Variants in ZNF577 observed in about 807,000 individuals in gnomAD.
ZNF577 encodes the protein zinc finger protein 577.
A neutral mutation model predicts 13.9 loss-of-function variants in ZNF577; 14 were observed. The observed-to-expected ratio is 1.00, with a 90% CI of 0.66 to 1.57. The LOEUF (loss-of-function observed/expected upper bound fraction) is 1.57. Among genes scored for constraint, ZNF577 ranks in the 40% most tolerant of loss-of-function variants. The probability of loss-of-function intolerance (pLI) is 0.00; values close to 1 mark genes in which losing one functional copy is unlikely to be tolerated. For synonymous variants in ZNF577, 203 were observed against 202.9 expected, an observed-to-expected ratio of 1.00 and a Z score of 0.00; for missense variants, 555 against 579.2, an observed-to-expected ratio of 0.96 and a Z score of 0.43.
exon 11 of ZNF577, chr19:51,804,902 G>A (rs909758445): frequency 2.6e-5 from 4 of 152,376 alleles, no homozygotes; most frequent in East Asian, 1.9e-4. Flanking sequence ...AGAGAAAAGC[G>A]ATAGTGAGAA....
At chr19:51,828,194 G>A (rs550838386) in intron 9 of ZNF577, among the ~76,000 whole-genome samples, 67 of 152,014 alleles carry the variant, frequency 4.4e-4, no homozygotes, top group African/African-American at 1.4e-3. Flanking sequence ...ATGTTGAAAC[G>A]CTGTCTGTAC....
rs2084681446 is a variant in ZNF577 at position 51,872,787 on chromosome 19, GCT to G, written c.1201_1202del (p.Ser401ArgfsTer29). 1.2e-6 allele frequency: 2 copies of G among 1,613,924 alleles called. No homozygotes were observed. Among genetic ancestry groups the G allele is most frequent in the African/African-American group, 2.7e-5 (2 of 74,840 alleles). On this transcript the variant is annotated frameshift_variant, in exon 6 of 6. Coordinates refer to ENST00000638348, the MANE Select transcript of ZNF577 (RefSeq NM_001370449.1). LOFTEE classifies it low-confidence loss of function (END_TRUNC). ...SSRSHTSLYM[S>X]ELIQEQKTVN... ...CAGTCTTTTGCTCTTGTATGAGTTCGCTCATGTATAAGGAGGTATGACTCCTT... is the reference window on the plus strand; with the variant it reads ...CAGTCTTTTGCTCTTGTATGAGTTCGCATGTATAAGGAGGTATGACTCCTT...
At chr19:51,866,910 G>A (rs2084571089), downstream of ZNF577, among the ~76,000 whole-genome samples, 1 of 152,132 alleles carries the variant, frequency 6.6e-6, no homozygotes, top group African/African-American at 2.4e-5. Context: ...GAACCCAAGA[G>A]GCAGAGGTTG....
At chr19:51,809,165 T>C (rs1179818762) in intron 10 of ZNF577, among the ~76,000 whole-genome samples, 2 of 152,254 alleles carry the variant, frequency 1.3e-5, no homozygotes, top group Non-Finnish European at 2.9e-5. Context: ...TCATATTCCA[T>C]GTTATAAGTA....
intron 9 of ZNF577, chr19:51,823,608 G>A (rs2084206668): frequency 2.8e-6 from 2 of 709,788 alleles, no homozygotes; most frequent in Admixed American, 6.0e-5. Flanking sequence ...CCAATTTTAT[G>A]TTATAACCAT....
At chr19:51,819,953 G>A (rs1234483692) in intron 9 of ZNF577, among the ~76,000 whole-genome samples, 1 of 152,198 alleles carries the variant, frequency 6.6e-6, no homozygotes, top group Non-Finnish European at 1.5e-5. Flanking sequence ...GAGACAGTGG[G>A]ATGGAAAGCA....
Position 51,873,354 on chromosome 19 carries a change from C to A in ZNF577, c.636G>T (p.Lys212Asn). Reference protein sequence around the residue: ...TEHQRTHTGEKPHECSECGKA... With the variant: ...TEHQRTHTGENPHECSECGKA... ...TTCCACATTCACTACATTCATGGGG[C>A]TTCTCTCCTGTGTGAGTTCTCTGAT... The change falls in exon 6 of 6, where the codon AAG (lysine) becomes AAT (asparagine). Residue 212 changes from lysine (K) to asparagine (N), a missense_variant. Coordinates refer to ENST00000638348, the MANE Select transcript of ZNF577 (RefSeq NM_001370449.1). 6.2e-7 allele frequency: 1 copy of A among 1,614,142 alleles called. No individual in the cohort carries two copies.
chr19:51,858,775 T>TA (rs34599080), intron 5 of ZNF577, among the ~76,000 whole-genome samples: 1,711 of 151,982 alleles, frequency 0.011, 30 homozygotes, highest in African/African-American at 0.039. Context: ...CTCATTTTGT[T>TA]AAAAAAAAGT....
intron 8 of ZNF577, chr19:51,840,545 G>A (rs553611183): frequency 6.6e-6 from 1 of 152,154 alleles, no homozygotes; most frequent in African/African-American, 2.4e-5. Context: ...AGACCTTGAG[G>A]GGTAAGAACT....
Position 51,873,549 on chromosome 19 carries a change from G to A in ZNF577, c.441C>T (p.Asp147=). The change falls in exon 6 of 6, where the codon GAC becomes GAT. Residue 147 remains aspartate (D), a synonymous_variant. Coordinates refer to ENST00000638348, the MANE Select transcript of ZNF577 (RefSeq NM_001370449.1). ...KPSSPKSQLN[D]LQKICAGGKP... is the part of the protein sequence containing the mutation. The stretch of plus-strand genomic sequence containing the variant: ...TCCCTCCTGCACAAATTTTTTGTAG[G>A]TCATTGAGCTGTGATTTAGGGCTGC... 1.2e-6 allele frequency: 2 copies of A among 1,614,128 alleles called. No individual in the cohort carries two copies. Among genetic ancestry groups the A allele is most frequent in the South Asian group, 2.2e-5 (2 of 91,088 alleles).
rs2084652290 is a variant in ZNF577 at position 51,871,098 on chromosome 19, T to TA, written c.*1433dup. On this transcript the variant is annotated 3_prime_UTR_variant, in exon 6 of 6. Transcript: ENST00000638348. ...ATTCCGTACTCATAATGAAGTATGT[T>TA]AGTTTCTTTTCCCCCCTTTTTTAGA... is the stretch of plus-strand genomic sequence containing the variant. Among the ~76,000 whole-genome samples the TA allele has an allele frequency of 2.0e-5, 3 of 152,246 alleles. No individual in the cohort carries two copies. The South Asian group carries it at 6.2e-4, about 32-fold the overall frequency.
intron 9 of ZNF577, among the ~76,000 whole-genome samples, chr19:51,829,705 T>C (rs2084251489): frequency 6.6e-6 from 1 of 152,132 alleles, no homozygotes; most frequent in South Asian, 2.1e-4. Flanking sequence ...TGGGCTTCAG[T>C]GTGTTGATAA....
intron 5 of ZNF577, among the ~76,000 whole-genome samples, chr19:51,851,781 T>C (rs1278835594): frequency 6.6e-6 from 1 of 152,206 alleles, no homozygotes; most frequent in Non-Finnish European, 1.5e-5. Context: ...TGCCAAGATC[T>C]GGAGCCGCCC....
At chr19:51,859,727 A>G (rs2084476505) in intron 5 of ZNF577, among the ~76,000 whole-genome samples, 1 of 152,270 alleles carries the variant, frequency 6.6e-6, no homozygotes, top group East Asian at 1.9e-4. Flanking sequence ...CTTAATAATG[A>G]GTCAAATATG....
rs141519706 is a variant in ZNF577 at position 51,873,155 on chromosome 19, A to C, written c.835T>G (p.Phe279Val). 5 of 1,613,994 alleles carry C rather than the reference A, an allele frequency of 3.1e-6. No homozygotes were observed. In the African/African-American group the frequency reaches 5.3e-5, roughly 17 times the overall value. The change falls in exon 6 of 6, where the codon TTT (phenylalanine) becomes GTT (valine). Residue 279 changes from phenylalanine (F) to valine (V), a missense_variant. Transcript: ENST00000638348. ...LYGCSVCGKAFSQKAYLTAHQ... is the reference protein window; with the variant it reads ...LYGCSVCGKAVSQKAYLTAHQ... The stretch of plus-strand genomic sequence containing the variant: ...GCAGTGAGGTATGCCTTCTGAGAAA[A>C]GGCTTTCCCACACACACTGCACCCA...
chr19:51,813,151 CA>C (rs2084109597), intron 9 of ZNF577, among the ~76,000 whole-genome samples: 7 of 151,828 alleles, frequency 4.6e-5, no homozygotes, highest in Admixed American at 1.3e-4. Flanking sequence ...CACACACACA[CA>C]CACACACACC....
intron 5 of ZNF577, chr19:51,861,988 A>G (rs1041094147): frequency 5.3e-5 from 8 of 152,236 alleles, no homozygotes; most frequent in Non-Finnish European, 1.2e-4. Context: ...TCATTCTTGC[A>G]TGGCAAGTTT....
chr19:51,811,796 G>A (rs112689430), intron 9 of ZNF577: 1,984 of 148,734 alleles, frequency 0.013, 50 homozygotes, highest in African/African-American at 0.047. Flanking sequence ...GAGGCGACTC[G>A]CCCTCAGCAA....
At chr19:51,857,412 A>AAG (rs201984477) in intron 5 of ZNF577, among the ~76,000 whole-genome samples, 7 of 110,694 alleles carry the variant, frequency 6.3e-5, no homozygotes, top group East Asian at 3.0e-4. Context: ...GAAAGAAAGA[A>AAG]AGAAAGAAAG....
Sources: gnomAD v4.1 joint callset for allele counts (sites outside exome capture counted in the v4.1 genomes callset) on GRCh38, gnomAD v4.1.1 for gene constraint, MANE v1.5 for transcripts, NCBI Gene and HGNC (gene_info 2026-07-23, HGNC 2026-07-21) for gene names.